The following DNAH9 variants were observed in gnomAD, a reference collection of about 807,000 sequenced individuals.
DNAH9 encodes the protein DNAH9 variant protein.
A neutral mutation model predicts 471.6 loss-of-function variants in DNAH9; 345 were observed. That is an observed-to-expected ratio of 0.73 (90% CI 0.67 to 0.80). DNAH9 has a LOEUF of 0.80. Among genes scored for constraint, DNAH9 ranks in the 30% least tolerant of loss-of-function variants. The pLI is 0.00. For synonymous variants in DNAH9, 2,093 were observed against 2,123.6 expected (o/e 0.99, Z 0.40); for missense variants, 5,407 against 5,609.2 (o/e 0.96, Z 1.15).
At chr17:11,636,818 T>C (rs1176128154) in intron 9 of DNAH9, 34 bp downstream of exon 9, 1 of 1,598,978 alleles carries the variant, frequency 6.3e-7, no homozygotes, top group Non-Finnish European at 8.6e-7. Context: ...GATGGGGACA[T>C]TCTGTTACTG....
chr17:11,884,868 T>G (rs947909339), intron 56 of DNAH9, among the ~76,000 whole-genome samples: 1 of 151,762 alleles, frequency 6.6e-6, no homozygotes, highest in African/African-American at 2.4e-5. Flanking sequence ...ATCAAGAGAG[T>G]AGGTCAGAGG....
intron 30 of DNAH9, 40 bp downstream of exon 30, chr17:11,742,353 A>G (rs986375615): frequency 2.5e-6 from 4 of 1,600,306 alleles, no homozygotes; most frequent in Non-Finnish European, 3.4e-6. Context: ...AGCACCGTGC[A>G]ACAGCCCCAG....
chr17:11,746,073 CTG>C (rs2075518979), intron 31 of DNAH9, among the ~76,000 whole-genome samples: 1 of 152,212 alleles, frequency 6.6e-6, no homozygotes, highest in African/African-American at 2.4e-5. Context: ...TCAAATGAAT[CTG>C]TGCAGTGACA....
intron 53 of DNAH9, among the ~76,000 whole-genome samples, chr17:11,876,348 G>T (rs1273573994): frequency 6.6e-6 from 1 of 152,008 alleles, no homozygotes; most frequent in Non-Finnish European, 1.5e-5. Context: ...TGATTATTAT[G>T]CATAGCATCC....
intron 35 of DNAH9, among the ~76,000 whole-genome samples, chr17:11,759,689 AT>A (rs35617747): frequency 0.4 from 50,973 of 128,270 alleles, 9,780 homozygotes; most frequent in African/African-American, 0.52. Flanking sequence ...TGCCCACCTA[AT>A]TTTTTTTTTT....
chr17:11,870,423 G>T (rs903022697), intron 51 of DNAH9, among the ~76,000 whole-genome samples: 3 of 152,166 alleles, frequency 2.0e-5, no homozygotes, highest in Admixed American at 1.3e-4. Context: ...CACACCTGTT[G>T]ACATTTATTC....
At chr17:11,607,925 A>T (rs546215469) in intron 1 of DNAH9, among the ~76,000 whole-genome samples, 41 of 152,286 alleles carry the variant, frequency 2.7e-4, no homozygotes, top group African/African-American at 8.7e-4. Flanking sequence ...TGGGAAGGAA[A>T]ACTTGTAAGC....
rs371519983 is a variant in DNAH9, at chr17:11,699,690, G to A, written c.4873-41G>A. On this transcript the variant is annotated intron_variant, in intron 22 of 68. Coordinates refer to ENST00000262442, the MANE Select transcript of DNAH9 (RefSeq NM_001372.4). The stretch of plus-strand genomic sequence containing the variant: ...AAACAATTCTAATAAGCAGCTTCCC[G>A]AACATGTTTTATGATCCATTGGCCT... 36 of 1,598,592 alleles carry A rather than the reference G, an allele frequency of 2.3e-5. No individual in the cohort carries two copies. In the East Asian group the frequency reaches 2.9e-4, roughly 13 times the overall value.
Position 11,654,311 on chromosome 17 carries a change from G to A in DNAH9, c.2595+1309G>A, listed in dbSNP as rs1368129887. On this transcript the variant is annotated intron_variant, in intron 14 of 68. Transcript: ENST00000262442. ...GCGGAGCTTGCAGTGAGCCGAGATT[G>A]CGCCACTGCACTCCAGCCTGGGCCA... Among the ~76,000 whole-genome samples, 5 of 44,224 alleles carry A rather than the reference G, an allele frequency of 1.1e-4. 1 individual carries two copies. Among genetic ancestry groups the A allele is most frequent in the Admixed American group, 2.8e-4 (1 of 3,630 alleles). The allele number at this position is 44,224 out of a possible 152,430, so 29.0% of individuals were successfully genotyped here.
chr17:11,849,126 G>A (rs910331831), intron 49 of DNAH9, among the ~76,000 whole-genome samples: 7 of 152,080 alleles, frequency 4.6e-5, no homozygotes, highest in African/African-American at 1.2e-4. Flanking sequence ...GTGAGCCACC[G>A]CACCTGGCCA....
At chr17:11,724,963 G>A (rs374149205) in intron 27 of DNAH9, among the ~76,000 whole-genome samples, 1 of 152,194 alleles carries the variant, frequency 6.6e-6, no homozygotes, top group African/African-American at 2.4e-5. Context: ...GACAGTGACA[G>A]ATCATCAGGC....
intron 43 of DNAH9, among the ~76,000 whole-genome samples, chr17:11,802,648 C>CA (rs3070089): frequency 0.18 from 23,018 of 131,180 alleles, 2,146 homozygotes; most frequent in African/African-American, 0.2. Context: ...AACACACAGA[C>CA]AAAAAAAAAA....
intron 45 of DNAH9, among the ~76,000 whole-genome samples, chr17:11,811,841 C>T (rs1597680804): frequency 6.7e-6 from 1 of 150,218 alleles, no homozygotes; most frequent in Admixed American, 6.7e-5. Context: ...CTGATGCAAG[C>T]GCGAGACTGA....
chr17:11,894,541 A>C, intron 59 of DNAH9, 45 bp downstream of exon 59: 1 of 1,597,914 alleles, frequency 6.3e-7, no homozygotes, highest in African/African-American at 1.3e-5. Context: ...CATCTCTCAG[A>C]ATTTACCTCT....
chr17:11,956,279 T>A (rs12451020), intron 67 of DNAH9, among the ~76,000 whole-genome samples: 4 of 151,784 alleles, frequency 2.6e-5, no homozygotes, highest in Admixed American at 6.6e-5. Context: ...AAGTCAATTT[T>A]TCAAGAGGAT....
chr17:11,858,481 AC>A (rs965545824), intron 50 of DNAH9, among the ~76,000 whole-genome samples: 4 of 152,178 alleles, frequency 2.6e-5, no homozygotes, highest in African/African-American at 9.6e-5. Flanking sequence ...TCATTAATTG[AC>A]CCTAGAGTCA....
At position 11,704,257 on chromosome 17, in the gene DNAH9, G is replaced by A; in HGVS notation, c.5206G>A (p.Ala1736Thr). 6.2e-7 allele frequency: 1 copy of A among 1,614,176 alleles called. No individual in the cohort carries two copies. The highest frequency in any genetic ancestry group is 8.5e-7 in the Non-Finnish European group (1 of 1,180,022). ...GACAACAGAAGTGGGCATGGCATTT[G>A]CCAGGCTGGAGGAAGGCTATGAGAG... ...WWTTEVGMAF[A>T]RLEEGYESAM... Residue 1736 changes from alanine to threonine, a missense_variant, in exon 25 of 69, where the codon GCC (alanine) becomes ACC (threonine). Ala to Thr is a moderately conservative substitution (Grantham distance 58). This residue lies in a region of DNAH9 where 4,636 missense variants were observed against 4,900.3 expected (regional missense o/e 0.95). Coordinates refer to ENST00000262442, the MANE Select transcript of DNAH9 (RefSeq NM_001372.4).
intron 18 of DNAH9, among the ~76,000 whole-genome samples, 190 bp from the exon 19 acceptor site, chr17:11,680,533 A>G (rs2074116283): frequency 6.6e-6 from 1 of 151,936 alleles, no homozygotes; most frequent in Non-Finnish European, 1.5e-5. Flanking sequence ...GTAATAGTTG[A>G]GAGCAGCTGC....
chr17:11,901,557 G>A (rs745722957), intron 59 of DNAH9, among the ~76,000 whole-genome samples: 25 of 152,062 alleles, frequency 1.6e-4, no homozygotes, highest in East Asian at 1.2e-3. Flanking sequence ...TTAGCCAGGC[G>A]TGGTGGTCTG....
Sources: allele counts gnomAD v4.1 joint callset (sites outside exome capture counted in the v4.1 genomes callset), GRCh38; gene constraint gnomAD v4.1.1; regional missense constraint gnomAD v4.1.1; transcripts MANE v1.5; gene names NCBI Gene and HGNC (gene_info 2026-07-23, HGNC 2026-07-21).